RAD51AP2: variants seen among roughly 807,000 people sequenced by gnomAD.
The protein encoded by RAD51AP2 is RAD51 associated protein 2.
In RAD51AP2, 67 loss-of-function variants were observed where a neutral mutation model predicts 85.5. The ratio of observed to expected loss-of-function variants is 0.78; its 90% CI spans 0.64 to 0.96. The LOEUF is 0.96. Among genes scored for constraint, RAD51AP2 ranks in the 40% least tolerant of loss-of-function variants. The pLI is 0.00. For missense variants in RAD51AP2, 1,307 were observed against 1,332.4 expected (o/e 0.98, Z 0.30); for synonymous variants, 474 against 446.5 (o/e 1.06, Z -0.78).
At chr2:17,512,770 T>C (rs1203220927) in intron 2 of RAD51AP2, among the ~76,000 whole-genome samples, 2 of 152,196 alleles carry the variant, frequency 1.3e-5, no homozygotes, top group African/African-American at 4.8e-5. Flanking sequence ...TTTTGACTCA[T>C]GGAGTATTGT....
chr2:17,519,381 C>T (rs949630500), upstream of RAD51AP2, among the ~76,000 whole-genome samples: 3 of 151,504 alleles, frequency 2.0e-5, no homozygotes, highest in Non-Finnish European at 4.4e-5. Context: ...TTATTATATA[C>T]ATGTTTCTTA....
chr2:17,530,450 G>A, the RAD51AP2 span, among the ~76,000 whole-genome samples: 5 of 151,930 alleles, frequency 3.3e-5, no homozygotes, highest in East Asian at 5.8e-4. Flanking sequence ...GTGTGGTGGC[G>A]CATGCCTGTG....
At chr2:17,528,503 A>C in the RAD51AP2 span, among the ~76,000 whole-genome samples, 5 of 152,178 alleles carry the variant, frequency 3.3e-5, no homozygotes, top group African/African-American at 1.2e-4. Flanking sequence ...CGACCTTGGA[A>C]AGCTATGATC....
In RAD51AP2 at chr2:17,517,078, G is replaced by A; in HGVS notation, c.1338C>T (p.Tyr446=). The change falls in exon 1 of 3, where the codon TAC becomes TAT. Residue 446 remains tyrosine (Y), a synonymous_variant. Coordinates refer to ENST00000399080, the MANE Select transcript of RAD51AP2 (RefSeq NM_001099218.3). The part of the protein sequence containing the change: ...LEIDLLSKED[Y]HCAKVINAYE... ...ATGCATTGATGACTTTTGCACAGTG[G>A]TAATCTTCCTTGCTTAAAAGGTCTA... 1 of 1,612,796 alleles carries A rather than the reference G, an allele frequency of 6.2e-7. No individual in the cohort carries two copies. The highest frequency in any genetic ancestry group is 8.5e-7 in the Non-Finnish European group (1 of 1,179,500).
the RAD51AP2 span, among the ~76,000 whole-genome samples, chr2:17,531,893 T>G: frequency 2.0e-5 from 3 of 152,200 alleles, no homozygotes; most frequent in African/African-American, 7.2e-5. Context: ...TCTCTACTTT[T>G]TATTCTTTCC....
upstream of RAD51AP2, among the ~76,000 whole-genome samples, chr2:17,519,996 A>G (rs940083145): frequency 3.9e-5 from 6 of 152,144 alleles, no homozygotes; most frequent in Non-Finnish European, 8.8e-5. Context: ...TTGATATTTG[A>G]TTATTTCTTC....
At chr2:17,512,788 G>A (rs765464462) in intron 2 of RAD51AP2, among the ~76,000 whole-genome samples, 4 of 152,140 alleles carry the variant, frequency 2.6e-5, no homozygotes, top group Non-Finnish European at 5.9e-5. Context: ...TGTTCCATCA[G>A]TTACTTCCTT....
In RAD51AP2 at chr2:17,516,632, G is replaced by T; in HGVS notation, c.1784C>A (p.Thr595Lys). ...AFLLNNFDSL[T>K]RIENDFELEE... ...TAATTCAAAATCATTTTCAATTCTT[G>T]TTAAAGAGTCAAAGTTATTGAGCAA... is the stretch of plus-strand genomic sequence containing the variant. Residue 595 changes from threonine to lysine, a missense_variant, in exon 1 of 3, where the codon ACA (threonine) becomes AAA (lysine). By Grantham distance (78) the Thr-to-Lys change is moderately conservative. Transcript: ENST00000399080. The T allele has an allele frequency of 6.4e-7, 1 of 1,573,422 alleles. No homozygotes were observed. The highest frequency in any genetic ancestry group is 1.4e-5 in the African/African-American group (1 of 73,060).
rs1243208248 is a variant in RAD51AP2, at chr2:17,516,804, A to G, written c.1612T>C (p.Cys538Arg). ...CCAATTATACCAATTTGCTTTTTAC[A>G]CTTCAAAATGTTACAGCAGGTTAAA... ...SILTCCNILK[C>R]KKQIGIIGIQ... Residue 538 changes from cysteine (C) to arginine (R), a missense_variant, in exon 1 of 3, where the codon TGT becomes CGT. Around this residue, in one of 3 missense-constraint regions of RAD51AP2, gnomAD observed 635 missense variants for 643.6 expected, o/e 0.99. Coordinates refer to ENST00000399080, the MANE Select transcript of RAD51AP2 (RefSeq NM_001099218.3). 6.4e-7 allele frequency: 1 copy of G among 1,550,804 alleles called. No homozygotes were observed. The highest frequency in any genetic ancestry group is 2.3e-5 in the East Asian group (1 of 43,980).
chr2:17,525,498 C>CTTT, the RAD51AP2 span, among the ~76,000 whole-genome samples: 178 of 152,024 alleles, frequency 1.2e-3, no homozygotes, highest in African/African-American at 3.4e-3. Flanking sequence ...TAACCTTTTC[C>CTTT]CTAATTTTTA....
In RAD51AP2 at chr2:17,515,846, T is replaced by C. The variant is rs1409631642; in HGVS notation, c.2570A>G (p.Glu857Gly). ...SCQVHKDTKI[E>G]KEEKDSFFPM... ...AAAAAAACTATCTTTCTCTTCCTTT[T>C]CTATCTTAGTATCTTTGTGAACTTG... Residue 857 changes from glutamate (E) to glycine (G), a missense_variant, in exon 1 of 3, where the codon GAA becomes GGA. Around this residue, in one of 3 missense-constraint regions of RAD51AP2, gnomAD observed 668 missense variants for 671.0 expected, o/e 1.00. Coordinates refer to ENST00000399080, the MANE Select transcript of RAD51AP2 (RefSeq NM_001099218.3). 1.2e-6 allele frequency: 2 copies of C among 1,610,176 alleles called. No homozygotes were observed. Among genetic ancestry groups the C allele is most frequent in the Admixed American group, 1.7e-5 (1 of 59,702 alleles).
Position 17,518,199 on chromosome 2 carries a change from C to T in RAD51AP2, c.217G>A (p.Gly73Arg). Reference protein sequence around the residue: ...VWELSPRPFKGLLVSTNAIFD... With the variant: ...VWELSPRPFKRLLVSTNAIFD... ...ATAGCATTCGTTGAAACAAGGAGTC[C>T]CTTGAAGGGTCTAGGGGACAACTCC... is the stretch of plus-strand genomic sequence containing the variant. The change falls in exon 1 of 3, where the codon GGA becomes AGA. Residue 73 changes from glycine (G) to arginine (R), a missense_variant. Physicochemically the swap from Gly to Arg is moderately radical, Grantham distance 125. This residue lies in a region of RAD51AP2 where 635 missense variants were observed against 643.6 expected (regional missense o/e 0.99). Coordinates refer to ENST00000399080, the MANE Select transcript of RAD51AP2 (RefSeq NM_001099218.3). 1.2e-6 allele frequency: 2 copies of T among 1,614,148 alleles called. No homozygotes were observed. Among genetic ancestry groups the T allele is most frequent in the Non-Finnish European group, 1.7e-6 (2 of 1,180,018 alleles).
chr2:17,532,196 C>T, the RAD51AP2 span, among the ~76,000 whole-genome samples: 2 of 152,280 alleles, frequency 1.3e-5, no homozygotes, highest in African/African-American at 2.4e-5. Flanking sequence ...ACAAATACCA[C>T]AGTCTTGGAA....
Position 17,517,421 on chromosome 2 carries a change from G to A in RAD51AP2, c.995C>T (p.Pro332Leu), listed in dbSNP as rs1301895376. The A allele has an allele frequency of 4.3e-6, 7 of 1,613,346 alleles. No individual in the cohort carries two copies. The highest frequency in any genetic ancestry group is 5.9e-6 in the Non-Finnish European group (7 of 1,179,814). ...ACAAGTATTTTGGCTACTGAGTGAT[G>A]GGTAGTCATTTTCATAACATTTGGA... ...IFSKCYENDY[P>L]SLSSQNTCKR... Residue 332 changes from proline to leucine, a missense_variant, in exon 1 of 3, where the codon CCA (proline) becomes CTA (leucine). Pro to Leu is a moderately conservative substitution (Grantham distance 98, BLOSUM62 -3). Around this residue, in one of 3 missense-constraint regions of RAD51AP2, gnomAD observed 635 missense variants for 643.6 expected, o/e 0.99. Transcript: ENST00000399080.
chr2:17,530,584 CAAAAAAAAA>C, the RAD51AP2 span, among the ~76,000 whole-genome samples: 3 of 80,254 alleles, frequency 3.7e-5, no homozygotes, highest in South Asian at 4.2e-4. Context: ...GGCCCTGTCT[CAAAAAAAAA>C]AAAAAAAAAA....
chr2:17,532,042 C>T, the RAD51AP2 span, among the ~76,000 whole-genome samples: 4 of 150,372 alleles, frequency 2.7e-5, no homozygotes, highest in African/African-American at 7.5e-5. Context: ...TAAAAAAAGC[C>T]GGGGTGGGGG....
chr2:17,520,320 T>A (rs17380240), upstream of RAD51AP2, among the ~76,000 whole-genome samples: 4,476 of 152,262 alleles, frequency 0.029, 65 homozygotes, highest in Middle Eastern at 0.054. Flanking sequence ...TTTGTTTTTT[T>A]AAATGCCACC....
intron 2 of RAD51AP2, among the ~76,000 whole-genome samples, chr2:17,513,068 C>G (rs1662538489): frequency 6.6e-6 from 1 of 152,066 alleles, no homozygotes; most frequent in Non-Finnish European, 1.5e-5. Context: ...CCAGAAATTT[C>G]TGACCGGATT....
the RAD51AP2 span, among the ~76,000 whole-genome samples, chr2:17,524,195 A>G: frequency 6.6e-6 from 1 of 151,968 alleles, no homozygotes; most frequent in Non-Finnish European, 1.5e-5. Flanking sequence ...TTTGCCACAC[A>G]AAACTACTTG....
Sources: gnomAD v4.1 joint callset for allele counts (sites outside exome capture counted in the v4.1 genomes callset) on GRCh38, gnomAD v4.1.1 for gene constraint, gnomAD v4.1.1 regional missense constraint, MANE v1.5 for transcripts, NCBI Gene and HGNC (gene_info 2026-07-23, HGNC 2026-07-21) for gene names.